DNM2: variants seen among roughly 807,000 people sequenced by gnomAD.
DNM2 encodes dynamin 2.
A neutral mutation model predicts 99.0 loss-of-function variants in DNM2; 15 were observed. The observed-to-expected ratio is 0.15, with a 90% confidence interval of 0.10 to 0.23. The LOEUF (loss-of-function observed/expected upper bound fraction) is 0.23, where lower values mean the gene tolerates loss of function less well. Among genes scored for constraint, DNM2 ranks in the 10% least tolerant of loss-of-function variants. The pLI, the probability that DNM2 is intolerant of heterozygous loss-of-function variation, is 1.00. For missense variants in DNM2, 742 were observed against 1,189.4 expected (o/e 0.62, Z 5.53); for synonymous variants, 525 against 481.2 (o/e 1.09, Z -1.19).
intron 2 of DNM2, among the ~76,000 whole-genome samples, chr19:10,761,282 C>A (rs1026203829): frequency 6.6e-6 from 1 of 152,082 alleles, no homozygotes; most frequent in African/African-American, 2.4e-5. Context: ...CCACCGCGCC[C>A]GGCCACCATT....
At chr19:10,731,440 C>G (rs567605427) in intron 1 of DNM2, among the ~76,000 whole-genome samples, 2 of 151,988 alleles carry the variant, frequency 1.3e-5, no homozygotes, top group African/African-American at 4.8e-5. Flanking sequence ...GCAACCTCCA[C>G]CTCCTGGGTT....
At chr19:10,810,308 G>C (rs1203738898) in intron 14 of DNM2, 1 of 152,630 alleles carries the variant, frequency 6.6e-6, no homozygotes, top group Non-Finnish European at 1.5e-5. Flanking sequence ...GTCCCATTGG[G>C]ATGTGTCCCT....
chr19:10,831,762 G>T lies in DNM2; in HGVS notation c.*715G>T, dbSNP rs1326407243. On this transcript the variant is annotated 3_prime_UTR_variant, in exon 21 of 21. Transcript: ENST00000389253. This position sits in a 1 kb window ranked among gnomAD's most constrained non-coding sequence, Gnocchi z 4.3. ...GGGTCTTGGGGGCCTCTCAGCTCCCGCCCATGCCTCCCTGATGGGTGGGCC... is the reference window on the plus strand; with the variant it reads ...GGGTCTTGGGGGCCTCTCAGCTCCCTCCCATGCCTCCCTGATGGGTGGGCC... 38 of 986,492 alleles carry T rather than the reference G, an allele frequency of 3.9e-5. No individual in the cohort carries two copies. Among genetic ancestry groups the T allele is most frequent in the Non-Finnish European group, 4.6e-5 (38 of 830,498 alleles). The allele number at this position is 986,492 out of a possible 1,614,324, so 61.1% of individuals were successfully genotyped here.
At chr19:10,763,080 GTTTT>G (rs1454424878) in intron 2 of DNM2, 1 of 152,692 alleles carries the variant, frequency 6.5e-6, no homozygotes, top group African/African-American at 2.4e-5. Context: ...GTTTTGTTTT[GTTTT>G]GTTTTGTTTG....
intron 1 of DNM2, among the ~76,000 whole-genome samples, chr19:10,748,463 C>T (rs1462559278): frequency 6.6e-6 from 1 of 152,162 alleles, no homozygotes; most frequent in Non-Finnish European, 1.5e-5. Flanking sequence ...GTGGCACCTA[C>T]CTGCGGACAC....
At chr19:10,741,632 C>T (rs1272474749) in intron 1 of DNM2, among the ~76,000 whole-genome samples, 2 of 151,474 alleles carry the variant, frequency 1.3e-5, no homozygotes, top group East Asian at 1.9e-4. Context: ...TCACTGCAAG[C>T]TCCGCCTCCC....
At chr19:10,719,947 T>G (rs2068881461) in intron 1 of DNM2, among the ~76,000 whole-genome samples, 1 of 152,184 alleles carries the variant, frequency 6.6e-6, no homozygotes, top group African/African-American at 2.4e-5. Flanking sequence ...TTTGCTACCT[T>G]GTCTCTAGCT....
chr19:10,829,661 C>T (rs904150293), intron 19 of DNM2, among the ~76,000 whole-genome samples: 4 of 152,122 alleles, frequency 2.6e-5, no homozygotes, highest in South Asian at 2.1e-4. Context: ...GAGCTGCTGC[C>T]GCCCCTGAGT....
chr19:10,828,339 G>A (rs1599637425), intron 18 of DNM2, among the ~76,000 whole-genome samples: 2 of 152,110 alleles, frequency 1.3e-5, no homozygotes, highest in Admixed American at 1.3e-4. Context: ...TGTAATCCCA[G>A]CACTTTGGGA....
intron 1 of DNM2, among the ~76,000 whole-genome samples, chr19:10,744,128 G>C (rs929969022): frequency 6.6e-6 from 1 of 151,980 alleles, no homozygotes; most frequent in Non-Finnish European, 1.5e-5. Context: ...ACTACACTTC[G>C]GCTGGGGTGA....
At position 10,812,944 on chromosome 19, in the gene DNM2, A is replaced by G. The variant is rs2072603860; in HGVS notation, c.1671+567A>G. On this transcript the variant is annotated intron_variant, in intron 15 of 20. Transcript: ENST00000389253. This position sits in a 1 kb window ranked among gnomAD's most constrained non-coding sequence, Gnocchi z 4.0. ...TGATGGAGTCACTAGCAGGCTAGAA[A>G]CAGGCCCTGACCTCCAGTGCCACTG... 6.6e-6 allele frequency among the ~76,000 whole-genome samples: 1 copy of G among 152,224 alleles called. No homozygotes were observed. Among genetic ancestry groups the G allele is most frequent in the Admixed American group, 6.5e-5 (1 of 15,286 alleles).
At chr19:10,735,735 T>G (rs2069500760) in intron 1 of DNM2, among the ~76,000 whole-genome samples, 1 of 151,672 alleles carries the variant, frequency 6.6e-6, no homozygotes, top group Non-Finnish European at 1.5e-5. Flanking sequence ...AGTCTCAAAC[T>G]CCTAGACTCA....
chr19:10,823,778 C>A lies in DNM2; in HGVS notation c.1782-10C>A. The A allele has an allele frequency of 1.2e-6, 2 of 1,613,102 alleles. No individual in the cohort carries two copies. Among genetic ancestry groups the A allele is most frequent in the Non-Finnish European group, 8.5e-7 (1 of 1,179,356 alleles). On this transcript the variant is annotated splice_polypyrimidine_tract_variant and intron_variant, in intron 16 of 20. Coordinates refer to ENST00000389253, the MANE Select transcript of DNM2 (RefSeq NM_001005361.3). ...CAAGCTTGTGCCCCTCCTTCCCCAC[C>A]CCCCCGCAGAAACGTCTACAAGGAC...
Position 10,775,572 on chromosome 19 carries a change from C to G in DNM2, c.386-131C>G. ...TACTGGATCAAAGGTGTGGTTCAGG[C>G]AGAGTGTCAGGCGACATCCTCAAGT... On this transcript the variant is annotated intron_variant, in intron 3 of 20. Transcript: ENST00000389253. This position sits in a 1 kb window ranked among gnomAD's most constrained non-coding sequence, Gnocchi z 4.3. 1.0e-6 allele frequency: 1 copy of G among 974,736 alleles called. No homozygotes were observed. Among genetic ancestry groups the G allele is most frequent in the Admixed American group, 1.7e-5 (1 of 59,172 alleles). The allele number at this position is 974,736 out of a possible 1,614,324, so 60.4% of individuals were successfully genotyped here. A position where few individuals can be genotyped will look rare whatever the true frequency, so the allele number is the denominator to read the frequency against.
Position 10,765,254 on chromosome 19 carries a change from G to A in DNM2, c.235+5443G>A, listed in dbSNP as rs1161798603. Among the ~76,000 whole-genome samples, 7 of 152,196 alleles carry A rather than the reference G, an allele frequency of 4.6e-5. No individual in the cohort carries two copies. Among genetic ancestry groups the A allele is most frequent in the South Asian group, 4.1e-4 (2 of 4,838 alleles). On this transcript the variant is annotated intron_variant, in intron 2 of 20. Transcript: ENST00000389253. The surrounding 1 kb of genome is among the most constrained non-coding windows in gnomAD (Gnocchi z 4.4). ...ATTACAGGCGTGAGCCACCACGCCC[G>A]GCCTGTTTTTTCTTAATGGACTCTC... is the stretch of plus-strand genomic sequence containing the variant.
At chr19:10,771,849 T>G (rs1167661586) in intron 2 of DNM2, among the ~76,000 whole-genome samples, 1 of 152,112 alleles carries the variant, frequency 6.6e-6, no homozygotes, top group Non-Finnish European at 1.5e-5. Context: ...ACCTGTTTAT[T>G]TTTGGGGGAG....
At position 10,820,270 on chromosome 19, in the gene DNM2, G is replaced by A. The variant is rs1242123370; in HGVS notation, c.1781+181G>A. ...ATGCCAGGGATGCTTCCCGTGCTGG[G>A]TCAGAGATGACCTCTCTGGGCAGAG... On this transcript the variant is annotated intron_variant, in intron 16 of 20. Coordinates refer to ENST00000389253, the MANE Select transcript of DNM2 (RefSeq NM_001005361.3). The surrounding 1 kb of genome is among the most constrained non-coding windows in gnomAD (Gnocchi z 4.3). Among the ~76,000 whole-genome samples the A allele has an allele frequency of 2.0e-5, 3 of 152,258 alleles. No individual in the cohort carries two copies. The highest frequency in any genetic ancestry group is 1.3e-4 in the Admixed American group (2 of 15,286).
intron 2 of DNM2, chr19:10,768,759 G>A (rs1055413842): frequency 6.6e-6 from 1 of 152,296 alleles, no homozygotes; most frequent in Admixed American, 6.5e-5. Context: ...AGCCGGGCAG[G>A]CAGAACCTCC....
chr19:10,765,103 G>T lies in DNM2; in HGVS notation c.235+5292G>T, dbSNP rs1454572230. Among the ~76,000 whole-genome samples the T allele has an allele frequency of 1.3e-5, 2 of 151,900 alleles. No homozygotes were observed. The highest frequency in any genetic ancestry group is 1.3e-4 in the Admixed American group (2 of 15,240). ...CTCCGGCGTAGCTGGGACTACAGGC[G>T]CCCGCCACCTCGCCCGGCTAATTTT... On this transcript the variant is annotated intron_variant, in intron 2 of 20. Transcript: ENST00000389253. This position sits in a 1 kb window ranked among gnomAD's most constrained non-coding sequence, Gnocchi z 4.4.
Sources: allele counts gnomAD v4.1 joint callset (sites outside exome capture counted in the v4.1 genomes callset), GRCh38; gene constraint gnomAD v4.1.1; non-coding constraint Gnocchi (gnomAD v3.1); transcripts MANE v1.5; gene names NCBI Gene and HGNC (gene_info 2026-07-23, HGNC 2026-07-21).